KCNK13: variants seen among roughly 807,000 people sequenced by gnomAD.
KCNK13 encodes the protein potassium two pore domain channel subfamily K member 13.
In KCNK13, 12 loss-of-function variants were observed where a neutral mutation model predicts 23.4. That is an observed-to-expected ratio of 0.51 (90% confidence interval 0.33 to 0.83). KCNK13 has a LOEUF of 0.83. Among genes scored for constraint, KCNK13 ranks in the 40% least tolerant of loss-of-function variants. KCNK13 has a pLI of 0.02. For missense variants in KCNK13, 463 were observed against 556.3 expected (o/e 0.83, Z 1.69); for synonymous variants, 231 against 229.5 (o/e 1.01, Z -0.06).
intron 1 of KCNK13, among the ~76,000 whole-genome samples, chr14:90,159,656 TC>T (rs1171694171): frequency 6.6e-6 from 1 of 152,238 alleles, no homozygotes; most frequent in Non-Finnish European, 1.5e-5. Flanking sequence ...CTCTTAGAAC[TC>T]TAAGGCACAT....
chr14:90,066,254 G>A (rs1267895234), intron 1 of KCNK13, among the ~76,000 whole-genome samples: 1 of 151,796 alleles, frequency 6.6e-6, no homozygotes. Flanking sequence ...GGGATTACAG[G>A]TGTGACCCAC....
chr14:90,067,873 T>C (rs1889026874), intron 1 of KCNK13, among the ~76,000 whole-genome samples: 1 of 152,232 alleles, frequency 6.6e-6, no homozygotes, highest in African/African-American at 2.4e-5. Flanking sequence ...TTTGAGGTAC[T>C]CTGCATTTGA....
intron 1 of KCNK13, among the ~76,000 whole-genome samples, chr14:90,169,642 G>A (rs184744203): frequency 3.3e-5 from 5 of 152,056 alleles, no homozygotes; most frequent in Non-Finnish European, 7.3e-5. Flanking sequence ...ATCTGCAGAC[G>A]GGCTCTCAGT....
chr14:90,106,520 A>G (rs1436279137), intron 1 of KCNK13, among the ~76,000 whole-genome samples: 1 of 152,120 alleles, frequency 6.6e-6, no homozygotes, highest in Non-Finnish European at 1.5e-5. Flanking sequence ...GCTTGCAGTG[A>G]GCTGAGATCT....
chr14:90,102,587 C>G (rs1889494939), intron 1 of KCNK13, among the ~76,000 whole-genome samples: 2 of 152,154 alleles, frequency 1.3e-5, no homozygotes, highest in Non-Finnish European at 2.9e-5. Context: ...AGAGTAGAGT[C>G]TCTCCCATGA....
intron 1 of KCNK13, among the ~76,000 whole-genome samples, chr14:90,084,523 A>G (rs1487180104): frequency 2.0e-5 from 3 of 152,200 alleles, no homozygotes; most frequent in Admixed American, 6.5e-5. Context: ...ATTAACTCTA[A>G]AAATTTTCAG....
chr14:90,163,030 G>T lies in KCNK13; in HGVS notation c.335-21081G>T, dbSNP rs573952831. Among the ~76,000 whole-genome samples, 23 of 152,282 alleles carry T rather than the reference G, an allele frequency of 1.5e-4. No individual in the cohort carries two copies. In the South Asian group the frequency reaches 4.4e-3, roughly 29 times the overall value. ...GCCAGTAAACACATGAAAAATGTAG[G>T]CAATGAAGCAGAAACTGCTGGAGAA... is the stretch of plus-strand genomic sequence containing the variant. On this transcript the variant is annotated intron_variant, in intron 1 of 1. Coordinates refer to ENST00000282146, the MANE Select transcript of KCNK13 (RefSeq NM_022054.4).
At chr14:90,133,658 G>A (rs975206970) in intron 1 of KCNK13, among the ~76,000 whole-genome samples, 1 of 149,322 alleles carries the variant, frequency 6.7e-6, no homozygotes, top group African/African-American at 2.5e-5. Context: ...GCAAGTAACA[G>A]AGCTGGGATT....
At chr14:90,120,059 C>G (rs911019708) in intron 1 of KCNK13, among the ~76,000 whole-genome samples, 1 of 152,132 alleles carries the variant, frequency 6.6e-6, no homozygotes, top group Non-Finnish European at 1.5e-5. Flanking sequence ...GCTCCTCTCC[C>G]TCCTCCCACT....
At chr14:90,133,496 A>C (rs1045498031) in intron 1 of KCNK13, among the ~76,000 whole-genome samples, 1 of 152,030 alleles carries the variant, frequency 6.6e-6, no homozygotes, top group Non-Finnish European at 1.5e-5. Flanking sequence ...ATCTGAAAAG[A>C]CATTGAATTG....
intron 1 of KCNK13, among the ~76,000 whole-genome samples, chr14:90,151,881 C>T (rs1410006157): frequency 2.0e-5 from 3 of 152,200 alleles, no homozygotes; most frequent in African/African-American, 7.2e-5. Flanking sequence ...AAGAGACTGT[C>T]CTTTTCCCAT....
At chr14:90,070,404 T>G (rs1889060131) in intron 1 of KCNK13, among the ~76,000 whole-genome samples, 1 of 152,236 alleles carries the variant, frequency 6.6e-6, no homozygotes, top group Non-Finnish European at 1.5e-5. Context: ...ATCAACTAAT[T>G]CTTCCCCCAT....
At chr14:90,104,555 T>A (rs773417287) in intron 1 of KCNK13, among the ~76,000 whole-genome samples, 31 of 152,274 alleles carry the variant, frequency 2.0e-4, no homozygotes, top group Admixed American at 6.5e-4. Context: ...ATCTTTTTTA[T>A]GTCTTTGAAG....
At chr14:90,083,058 A>G (rs962355098) in intron 1 of KCNK13, among the ~76,000 whole-genome samples, 2 of 152,220 alleles carry the variant, frequency 1.3e-5, no homozygotes, top group African/African-American at 4.8e-5. Flanking sequence ...TTTGTATACT[A>G]TCTTAAAAGA....
chr14:90,162,357 G>A (rs1322522604), intron 1 of KCNK13, among the ~76,000 whole-genome samples: 1 of 152,156 alleles, frequency 6.6e-6, no homozygotes, highest in Non-Finnish European at 1.5e-5. Flanking sequence ...TTCAGAGATG[G>A]TGCTGAAGAG....
At chr14:90,170,260 C>G (rs1224278577) in intron 1 of KCNK13, among the ~76,000 whole-genome samples, 7 of 152,098 alleles carry the variant, frequency 4.6e-5, no homozygotes, top group Non-Finnish European at 8.8e-5. Flanking sequence ...GTTGCCCAGG[C>G]CAGAGTGCGG....
chr14:90,063,705 A>G (rs768781823), intron 1 of KCNK13, among the ~76,000 whole-genome samples: 2 of 152,196 alleles, frequency 1.3e-5, no homozygotes, highest in Non-Finnish European at 2.9e-5. Context: ...AGCCTCCTTG[A>G]GGCTCCCACA....
rs530665955 is a variant in KCNK13, at chr14:90,158,677, TTCCCTTCC to T, written c.335-25424_335-25417del. 1.2e-3 allele frequency among the ~76,000 whole-genome samples: 178 copies of T among 152,320 alleles called. 3 individuals carry two copies. In the East Asian group the frequency reaches 0.019, roughly 17 times the overall value. On this transcript the variant is annotated intron_variant, in intron 1 of 1. Transcript: ENST00000282146. ...TAGGTGGGGTAGAGGAGGGAGAAGGTTCCCTTCCTCCCTTCCTGCCTGCCTGCCTTCCT... is the reference window on the plus strand; with the variant it reads ...TAGGTGGGGTAGAGGAGGGAGAAGGTTCCCTTCCTGCCTGCCTGCCTTCCT...
chr14:90,087,597 G>A (rs763894449), intron 1 of KCNK13, among the ~76,000 whole-genome samples: 4 of 152,084 alleles, frequency 2.6e-5, no homozygotes, highest in East Asian at 1.9e-4. Flanking sequence ...GTTTGAAAAC[G>A]GACTTGCAAC....
Sources: allele counts gnomAD v4.1 joint callset (sites outside exome capture counted in the v4.1 genomes callset), GRCh38; gene constraint gnomAD v4.1.1; transcripts MANE v1.5; gene names NCBI Gene and HGNC (gene_info 2026-07-23, HGNC 2026-07-21).